SPOCK3: variants seen among roughly 807,000 people sequenced by gnomAD.
The protein encoded by SPOCK3 is SPARC (osteonectin), cwcv and kazal like domains proteoglycan 3.
SPOCK3 carries 30 observed loss-of-function variants against 56.6 expected under a neutral mutation model. The observed-to-expected ratio is 0.53, with a 90% confidence interval of 0.40 to 0.72. The LOEUF (loss-of-function observed/expected upper bound fraction) is 0.72, where lower values mean the gene tolerates loss of function less well. Ranked by LOEUF, SPOCK3 falls within the 30% of genes least tolerant of loss-of-function variation. SPOCK3 has a pLI of 0.00. For missense variants in SPOCK3, 527 were observed against 530.0 expected, an observed-to-expected ratio of 0.99 and a Z score of 0.06; for synonymous variants, 196 against 183.3, an observed-to-expected ratio of 1.07 and a Z score of -0.56.
In SPOCK3 at chr4:167,234,168, G is replaced by C. The variant is rs768294636; in HGVS notation, c.6C>G (p.Leu2=). The change falls in exon 2 of 11, where the codon CTC becomes CTG. Residue 2 remains leucine (L), a synonymous_variant. Coordinates refer to ENST00000357545, the MANE Select transcript of SPOCK3 (RefSeq NM_001040159.2). The part of the protein sequence containing the change: M[L]KVSAVLCVCA... ...ACACACACAGTACGGCTGACACCTT[G>C]AGCATCTGGGAGAGGAGACACAACG... 9 of 1,611,622 alleles carry C rather than the reference G, an allele frequency of 5.6e-6. No individual in the cohort carries two copies. The Admixed American group carries it at 1.3e-4, about 24-fold the overall frequency.
chr4:166,869,600 A>G (rs930263764), intron 6 of SPOCK3, among the ~76,000 whole-genome samples: 3 of 145,486 alleles, frequency 2.1e-5, no homozygotes, highest in African/African-American at 7.8e-5. Flanking sequence ...TATAACCAAT[A>G]GAATTCTGTG....
intron 2 of SPOCK3, among the ~76,000 whole-genome samples, chr4:167,192,454 A>C (rs2110856335): frequency 6.9e-6 from 1 of 145,784 alleles, no homozygotes; most frequent in South Asian, 2.1e-4. Context: ...TTAATGTGTC[A>C]ATCTTCACCC....
intron 5 of SPOCK3, among the ~76,000 whole-genome samples, chr4:166,903,001 G>A (rs2127062984): frequency 6.7e-6 from 1 of 150,038 alleles, no homozygotes; most frequent in Middle Eastern, 3.6e-3. Flanking sequence ...TGTTCTTGCT[G>A]TTGGCATTGT....
chr4:166,981,976 G>A (rs1231432497), intron 4 of SPOCK3, among the ~76,000 whole-genome samples: 1 of 152,224 alleles, frequency 6.6e-6, no homozygotes, highest in Admixed American at 6.5e-5. Flanking sequence ...AGGGCAGGAA[G>A]TGGGAGCAGG....
intron 2 of SPOCK3, among the ~76,000 whole-genome samples, chr4:167,127,010 G>A (rs1341161582): frequency 1.3e-5 from 2 of 152,092 alleles, no homozygotes; most frequent in African/African-American, 2.4e-5. Flanking sequence ...CAGCCAGGAC[G>A]TGTCCTGGTG....
chr4:167,217,748 G>A (rs981529939), intron 2 of SPOCK3, among the ~76,000 whole-genome samples: 4 of 152,038 alleles, frequency 2.6e-5, no homozygotes, highest in Non-Finnish European at 4.4e-5. Context: ...AAACTTGGTG[G>A]TGGATAATAT....
chr4:166,826,551 T>C (rs566032987), intron 6 of SPOCK3, among the ~76,000 whole-genome samples: 151 of 152,254 alleles, frequency 9.9e-4, no homozygotes, highest in African/African-American at 3.2e-3. Context: ...GTGGCTAACA[T>C]TTTTGTGGAG....
At chr4:167,125,584 G>A (rs1051413412) in intron 2 of SPOCK3, among the ~76,000 whole-genome samples, 3 of 143,792 alleles carry the variant, frequency 2.1e-5, no homozygotes, top group African/African-American at 7.5e-5. Context: ...CGTGTTGGCG[G>A]GCGCCTGTAG....
At chr4:167,200,989 A>G (rs1733460764) in intron 2 of SPOCK3, among the ~76,000 whole-genome samples, 1 of 152,048 alleles carries the variant, frequency 6.6e-6, no homozygotes, top group South Asian at 2.1e-4. Context: ...CTTGCTGCAT[A>G]GGTTATTAAA....
intron 2 of SPOCK3, among the ~76,000 whole-genome samples, chr4:167,190,208 T>C (rs1343688692): frequency 6.8e-6 from 1 of 146,152 alleles, no homozygotes. Flanking sequence ...CTACTTGCCA[T>C]GATGGCTGTA....
intron 2 of SPOCK3, among the ~76,000 whole-genome samples, chr4:167,226,611 A>G (rs1736624837): frequency 6.6e-6 from 1 of 152,132 alleles, no homozygotes; most frequent in Non-Finnish European, 1.5e-5. Context: ...CCCATTAAAG[A>G]TTAAATTTCC....
At chr4:166,736,715 G>A (rs1219154216) in intron 10 of SPOCK3, among the ~76,000 whole-genome samples, 2 of 151,682 alleles carry the variant, frequency 1.3e-5, no homozygotes, top group Non-Finnish European at 2.9e-5. Flanking sequence ...GTGTGTGTGT[G>A]TGCGCGTGTG....
rs559836524 is a variant in SPOCK3, at chr4:167,064,363, C to T, written c.190-1826G>A. On this transcript the variant is annotated intron_variant, in intron 2 of 10. Coordinates refer to ENST00000357545, the MANE Select transcript of SPOCK3 (RefSeq NM_001040159.2). The stretch of plus-strand genomic sequence containing the variant: ...AGGATTAGATTAAGAAAGGATAATG[C>T]TACTGGATAATTAATAAACACTGAT... Among the ~76,000 whole-genome samples, 41 of 151,640 alleles carry T rather than the reference C, an allele frequency of 2.7e-4. No individual in the cohort carries two copies. In the South Asian group the frequency reaches 8.1e-3, roughly 30 times the overall value.
At chr4:167,086,224 A>G (rs945444307) in intron 2 of SPOCK3, among the ~76,000 whole-genome samples, 2 of 152,140 alleles carry the variant, frequency 1.3e-5, no homozygotes, top group African/African-American at 4.8e-5. Context: ...CTTAACTATA[A>G]TAGTTCATCA....
At chr4:166,817,793 A>G (rs1023875) in intron 6 of SPOCK3, among the ~76,000 whole-genome samples, 9,478 of 152,168 alleles carry the variant, frequency 0.062, 630 homozygotes, top group African/African-American at 0.16. Context: ...AGAGAGAGAT[A>G]TAATACAGAT....
At chr4:167,188,074 A>G (rs72699700) in intron 2 of SPOCK3, among the ~76,000 whole-genome samples, 8,733 of 147,254 alleles carry the variant, frequency 0.059, 1,043 homozygotes, top group Admixed American at 0.095. Context: ...GAGAAAGAAT[A>G]TTGAGAAAAA....
intron 2 of SPOCK3, among the ~76,000 whole-genome samples, chr4:167,232,231 A>C (rs1737249442): frequency 6.6e-6 from 1 of 152,146 alleles, no homozygotes; most frequent in Non-Finnish European, 1.5e-5. Flanking sequence ...AGAGAATACT[A>C]AGTTATTCAA....
intron 6 of SPOCK3, among the ~76,000 whole-genome samples, chr4:166,838,448 G>C (rs1181050926): frequency 6.6e-6 from 1 of 151,282 alleles, no homozygotes; most frequent in African/African-American, 2.4e-5. Flanking sequence ...TTTTTCCTTT[G>C]TCTCCTACAC....
intron 3 of SPOCK3, among the ~76,000 whole-genome samples, chr4:167,003,658 A>G (rs1236646464): frequency 6.6e-6 from 1 of 152,158 alleles, no homozygotes; most frequent in East Asian, 1.9e-4. Context: ...TTTTCTCTCC[A>G]GCAACCAGTC....
Sources: gnomAD v4.1 joint callset for allele counts (sites outside exome capture counted in the v4.1 genomes callset) on GRCh38, gnomAD v4.1.1 for gene constraint, MANE v1.5 for transcripts, NCBI Gene and HGNC (gene_info 2026-07-23, HGNC 2026-07-21) for gene names.